MS4A4E: variants seen among roughly 807,000 people sequenced by gnomAD.
MS4A4E encodes membrane spanning 4-domains A4E.
Under a neutral mutation model 13.3 loss-of-function variants are expected in MS4A4E, and 23 were observed. The observed-to-expected ratio is 1.73, with a 90% confidence interval of 1.25 to 2.45. The LOEUF (loss-of-function observed/expected upper bound fraction) is 2.45, where lower values mean the gene tolerates loss of function less well. Ranked by LOEUF, MS4A4E falls within the 30% of genes most tolerant of loss-of-function variation. The pLI is 0.00. For synonymous variants in MS4A4E, 36 were observed against 45.6 expected, an observed-to-expected ratio of 0.79 and a Z score of 0.85; for missense variants, 144 against 131.2, an observed-to-expected ratio of 1.10 and a Z score of -0.48.
rs139056520 is a variant in MS4A4E at position 60,232,828 on chromosome 11, G to A, written c.-16-2757C>T. ...AACCACCACTACACTATGCACACGT[G>A]GAAGCCATTCCTGAGCCAAACTGCC... On this transcript the variant is annotated intron_variant, in intron 1 of 8. Coordinates refer to ENST00000651255, the MANE Select transcript of MS4A4E (RefSeq NM_001393391.1). Among the ~76,000 whole-genome samples the A allele has an allele frequency of 6.4e-3, 977 of 152,120 alleles. 11 individuals carry two copies. Among genetic ancestry groups the A allele is most frequent in the Middle Eastern group, 0.017 (5 of 294 alleles).
intron 5 of MS4A4E, among the ~76,000 whole-genome samples, chr11:60,212,253 T>C (rs1010573415): frequency 4.6e-5 from 7 of 152,198 alleles, no homozygotes; most frequent in African/African-American, 1.7e-4. Context: ...GAGTTACCAC[T>C]TATAAAATAC....
intron 1 of MS4A4E, among the ~76,000 whole-genome samples, chr11:60,240,411 G>A (rs1046768882): frequency 3.3e-5 from 5 of 151,884 alleles, no homozygotes; most frequent in Admixed American, 6.6e-5. Flanking sequence ...AATGTTCCCC[G>A]GTGTCCATTT....
intron 5 of MS4A4E, among the ~76,000 whole-genome samples, chr11:60,210,067 A>T (rs1264482267): frequency 6.6e-6 from 1 of 152,266 alleles, no homozygotes; most frequent in Non-Finnish European, 1.5e-5. Flanking sequence ...TAAAGGCCAG[A>T]TAATGTACAT....
Position 60,201,605 on chromosome 11 carries a change from G to A in MS4A4E, c.934C>T (p.Leu312Phe), listed in dbSNP as rs1328681375. 3.1e-6 allele frequency: 1 copy of A among 317,894 alleles called. No individual in the cohort carries two copies. Among genetic ancestry groups the A allele is most frequent in the African/African-American group, 2.3e-5 (1 of 43,142 alleles). The allele number at this position is 317,894 out of a possible 1,614,324, so 19.7% of individuals were successfully genotyped here. A position where few individuals can be genotyped will look rare whatever the true frequency, so the allele number is the denominator to read the frequency against. Residue 312 changes from leucine (L) to phenylalanine (F), a missense_variant, in exon 9 of 9, where the codon CTT becomes TTT. Physicochemically the swap from Leu to Phe is conservative, Grantham distance 22 (BLOSUM62 0). Coordinates refer to ENST00000651255, the MANE Select transcript of MS4A4E (RefSeq NM_001393391.1). ...TCCCAGATGGGATGGTGGCCGGGAA[G>A]AGGCGCTCCCCACTTCCTAGATGGG... ...AIPSRKWGAP[L>F]PGHHPIWEVR...
At chr11:60,230,592 G>A (rs927818322) in intron 1 of MS4A4E, among the ~76,000 whole-genome samples, 1 of 152,112 alleles carries the variant, frequency 6.6e-6, no homozygotes, top group Non-Finnish European at 1.5e-5. Flanking sequence ...TGAACTCTGG[G>A]AATGAAACTT....
intron 3 of MS4A4E, among the ~76,000 whole-genome samples, chr11:60,220,351 T>A (rs1477311178): frequency 6.6e-6 from 1 of 152,232 alleles, no homozygotes; most frequent in Non-Finnish European, 1.5e-5. Context: ...TGGTACCTGG[T>A]AAGCAGCCAT....
intron 1 of MS4A4E, among the ~76,000 whole-genome samples, chr11:60,233,446 T>G (rs2084438672): frequency 6.6e-6 from 1 of 152,210 alleles, no homozygotes; most frequent in Non-Finnish European, 1.5e-5. Context: ...TACTGAGGTG[T>G]GCTTTAGAGT....
At chr11:60,218,087 A>G (rs549095739) in intron 3 of MS4A4E, among the ~76,000 whole-genome samples, 31 of 152,200 alleles carry the variant, frequency 2.0e-4, no homozygotes, top group Non-Finnish European at 4.1e-4. Context: ...GTATAGGCCT[A>G]TAAATGGCCC....
intron 1 of MS4A4E, among the ~76,000 whole-genome samples, chr11:60,242,097 A>C (rs2084559611): frequency 6.6e-6 from 1 of 152,162 alleles, no homozygotes; most frequent in African/African-American, 2.4e-5. Context: ...ACCCAAAATG[A>C]GGCCTGAATC....
chr11:60,201,153 C>G lies in MS4A4E; in HGVS notation c.*390G>C. The G allele has an allele frequency of 6.8e-6, 1 of 148,022 alleles. No homozygotes were observed. 9.2% of individuals were successfully genotyped at this position (148,022 alleles called of 1,614,324 possible). The stretch of plus-strand genomic sequence containing the variant: ...CTCCCTCCCGGACGGAGCGGCTGGC[C>G]GGGTAGAGGGGCTCCTCACTTCCCA... On this transcript the variant is annotated 3_prime_UTR_variant, in exon 9 of 9. Transcript: ENST00000651255.
intron 3 of MS4A4E, 46 bp from the exon 4 acceptor site, chr11:60,214,660 G>A (rs1373950523): frequency 2.3e-6 from 3 of 1,314,590 alleles, no homozygotes; most frequent in Non-Finnish European, 1.0e-6. Context: ...GAGATAAAAA[G>A]TTTTAAACAA....
chr11:60,241,958 C>T (rs1442891944), intron 1 of MS4A4E, among the ~76,000 whole-genome samples: 1 of 152,150 alleles, frequency 6.6e-6, no homozygotes, highest in Non-Finnish European at 1.5e-5. Context: ...ATCAGCAGCA[C>T]CAGCAGTCTC....
At chr11:60,216,681 G>A (rs1217920808) in intron 3 of MS4A4E, among the ~76,000 whole-genome samples, 1 of 151,858 alleles carries the variant, frequency 6.6e-6, no homozygotes, top group Non-Finnish European at 1.5e-5. Flanking sequence ...TTTGCTGTCT[G>A]TTATGGTTAA....
intron 8 of MS4A4E, among the ~76,000 whole-genome samples, chr11:60,203,062 G>A (rs10897013): frequency 0.12 from 17,495 of 152,102 alleles, 1,274 homozygotes; most frequent in South Asian, 0.17. Flanking sequence ...CTTATACTTA[G>A]TACAGTTATT....
chr11:60,213,339 G>T, intron 4 of MS4A4E: 2 of 1,521,622 alleles, frequency 1.3e-6, no homozygotes. Context: ...ATTCCTGTGA[G>T]AAGATGAGAT....
intron 1 of MS4A4E, among the ~76,000 whole-genome samples, chr11:60,238,972 CAT>C (rs2084516396): frequency 6.6e-6 from 1 of 152,174 alleles, no homozygotes; most frequent in African/African-American, 2.4e-5. Context: ...GAAATAAAAA[CAT>C]ATGTCCACAC....
At chr11:60,242,621 T>A (rs2084565060) in intron 1 of MS4A4E, among the ~76,000 whole-genome samples, 1 of 152,184 alleles carries the variant, frequency 6.6e-6, no homozygotes, top group Non-Finnish European at 1.5e-5. Context: ...GATGAGGTAA[T>A]TAATCAAAGT....
chr11:60,237,819 T>C (rs1242056178), intron 1 of MS4A4E, among the ~76,000 whole-genome samples: 1 of 152,152 alleles, frequency 6.6e-6, no homozygotes, highest in African/African-American at 2.4e-5. Context: ...CATTCATTAA[T>C]TCTAATAGCT....
intron 1 of MS4A4E, among the ~76,000 whole-genome samples, chr11:60,240,186 C>T (rs2084531288): frequency 1.3e-5 from 2 of 152,190 alleles, no homozygotes; most frequent in African/African-American, 4.8e-5. Context: ...TATGCGACTG[C>T]AAATGTCCTT....
Sources: allele counts gnomAD v4.1 joint callset (sites outside exome capture counted in the v4.1 genomes callset), GRCh38; gene constraint gnomAD v4.1.1; transcripts MANE v1.5; gene names NCBI Gene and HGNC (gene_info 2026-07-23, HGNC 2026-07-21).